Variants in SLC37A3 observed in about 807,000 individuals in gnomAD.
SLC37A3 encodes the protein sugar phosphate exchanger 3.
In SLC37A3, 51 loss-of-function variants were observed where a neutral mutation model predicts 67.1. The ratio of observed to expected loss-of-function variants is 0.76; its 90% confidence interval spans 0.61 to 0.96. The LOEUF (loss-of-function observed/expected upper bound fraction) is 0.96, where lower values mean the gene tolerates loss of function less well. Ranked by LOEUF, SLC37A3 falls within the 40% of genes least tolerant of loss-of-function variation. SLC37A3 has a pLI of 0.00. For synonymous variants in SLC37A3, 214 were observed against 231.4 expected (o/e 0.92, Z 0.68); for missense variants, 508 against 603.0 (o/e 0.84, Z 1.65).
intron 12 of SLC37A3, chr7:140,344,143 T>G (rs1045647746): frequency 1.3e-5 from 2 of 155,062 alleles, no homozygotes; most frequent in Non-Finnish European, 2.8e-5. Context: ...AAGTAACTTT[T>G]CTGGCCGGGC....
intron 12 of SLC37A3, 165 bp from the exon 13 acceptor site, chr7:140,343,728 TC>T: frequency 1.5e-6 from 1 of 658,590 alleles, no homozygotes; most frequent in Non-Finnish European, 2.5e-6. Context: ...GTAGTTAACA[TC>T]CACGTTCCTG....
chr7:140,374,352 G>C (rs928754704), intron 3 of SLC37A3, among the ~76,000 whole-genome samples: 2 of 152,074 alleles, frequency 1.3e-5, no homozygotes, highest in Non-Finnish European at 2.9e-5. Flanking sequence ...ACAAAAACTA[G>C]CCGGGCGTGG....
At chr7:140,383,611 T>C (rs1798339910) in intron 1 of SLC37A3, among the ~76,000 whole-genome samples, 1 of 152,090 alleles carries the variant, frequency 6.6e-6, no homozygotes, top group Admixed American at 6.6e-5. Flanking sequence ...ATGAAAAAAT[T>C]TGTGTCAAAG....
At chr7:140,362,848 C>A (rs1464991801) in intron 5 of SLC37A3, among the ~76,000 whole-genome samples, 3 of 69,336 alleles carry the variant, frequency 4.3e-5, no homozygotes, top group Non-Finnish European at 6.2e-5. Flanking sequence ...GCCGCCCCTA[C>A]TGGGAAGCGA....
intron 4 of SLC37A3, among the ~76,000 whole-genome samples, chr7:140,366,952 C>T (rs186708731): frequency 2.0e-4 from 30 of 151,954 alleles, no homozygotes; most frequent in Admixed American, 7.2e-4. Context: ...CTGACCAACA[C>T]GGTGAAACCC....
chr7:140,394,601 G>A (rs535159066), intron 1 of SLC37A3, among the ~76,000 whole-genome samples: 12 of 142,310 alleles, frequency 8.4e-5, no homozygotes, highest in South Asian at 2.3e-4. Flanking sequence ...CAGCCTGGGC[G>A]ACAGAGCGAG....
chr7:140,378,725 G>C (rs1034233729), intron 3 of SLC37A3, among the ~76,000 whole-genome samples: 2 of 141,864 alleles, frequency 1.4e-5, no homozygotes, highest in Non-Finnish European at 3.0e-5. Context: ...GATAGAGCAA[G>C]ACTCCATCTC....
intron 2 of SLC37A3, among the ~76,000 whole-genome samples, chr7:140,381,993 G>A (rs1179452385): frequency 1.5e-5 from 2 of 131,408 alleles, no homozygotes; most frequent in Admixed American, 8.9e-5. Context: ...CAGCCTGGGC[G>A]ACAAAGTGAT....
intron 11 of SLC37A3, 47 bp downstream of exon 11, chr7:140,345,822 C>T (rs1255780621): frequency 6.8e-7 from 1 of 1,461,312 alleles, no homozygotes; most frequent in South Asian, 1.1e-5. Context: ...CTTATTCCAA[C>T]CAGATTAGGG....
intron 4 of SLC37A3, among the ~76,000 whole-genome samples, chr7:140,364,761 A>C (rs1338577318): frequency 6.6e-6 from 1 of 152,034 alleles, no homozygotes; most frequent in East Asian, 1.9e-4. Flanking sequence ...CAGCGGGCAC[A>C]CTCTACCACA....
chr7:140,360,899 A>G (rs766811771), intron 5 of SLC37A3, among the ~76,000 whole-genome samples: 1 of 152,078 alleles, frequency 6.6e-6, no homozygotes, highest in Non-Finnish European at 1.5e-5. Context: ...AAACCACAGA[A>G]GACAGACAGA....
intron 13 of SLC37A3, chr7:140,337,762 T>G (rs1379234781): frequency 6.4e-6 from 1 of 156,312 alleles, no homozygotes; most frequent in Non-Finnish European, 1.4e-5. Context: ...AGTACTACCT[T>G]TGCATCCTAC....
intron 14 of SLC37A3, among the ~76,000 whole-genome samples, chr7:140,336,794 C>G (rs1186741225): frequency 6.6e-6 from 1 of 152,174 alleles, no homozygotes; most frequent in South Asian, 2.1e-4. Flanking sequence ...GAGCCTTTTT[C>G]TTCCTCACAA....
At chr7:140,364,893 T>C (rs1797538962) in intron 4 of SLC37A3, among the ~76,000 whole-genome samples, 1 of 152,190 alleles carries the variant, frequency 6.6e-6, no homozygotes, top group Non-Finnish European at 1.5e-5. Flanking sequence ...CTAGACTAGA[T>C]TAATTCCTAC....
At position 140,334,691 on chromosome 7, in the gene SLC37A3, G is replaced by T. The variant is rs538143489; in HGVS notation, c.*721C>A. ...ATAACTGATGTACCTTATGGTCCTT[G>T]AAAGGAAGACTCAATACTTCCAGGA... On this transcript the variant is annotated 3_prime_UTR_variant, in exon 15 of 15. Coordinates refer to ENST00000326232, the MANE Select transcript of SLC37A3 (RefSeq NM_207113.3). The T allele has an allele frequency of 6.3e-6, 1 of 157,914 alleles. No individual in the cohort carries two copies. Among genetic ancestry groups the T allele is most frequent in the South Asian group, 1.9e-4 (1 of 5,282 alleles). 9.8% of individuals were successfully genotyped at this position (157,914 alleles called of 1,614,324 possible). A position where few individuals can be genotyped will look rare whatever the true frequency, so the allele number is the denominator to read the frequency against.
intron 1 of SLC37A3, among the ~76,000 whole-genome samples, chr7:140,393,188 G>A (rs764444963): frequency 1.3e-5 from 2 of 152,004 alleles, no homozygotes; most frequent in Non-Finnish European, 2.9e-5. Flanking sequence ...TTCCTTCAGG[G>A]GCACAATCTG....
rs1797132868 is a variant in SLC37A3, at chr7:140,358,644, CT to C, written c.516del (p.Ala173ProfsTer24). The C allele has an allele frequency of 6.2e-7, 1 of 1,614,016 alleles. No individual in the cohort carries two copies. Among genetic ancestry groups the C allele is most frequent in the African/African-American group, 1.3e-5 (1 of 74,928 alleles). ...VVAVMGNWFG[K>X]AGRGVVFGLW... ...GAGAGGAAGGAAGTGGCATACCCGG[CT>C]TTCCCAAACCAGTTGCCCATAACAG... is the stretch of plus-strand genomic sequence containing the variant. On this transcript the variant is annotated frameshift_variant, in exon 6 of 15. Coordinates refer to ENST00000326232, the MANE Select transcript of SLC37A3 (RefSeq NM_207113.3). LOFTEE classifies it high-confidence loss of function.
chr7:140,355,683 A>C lies in SLC37A3; in HGVS notation c.603T>G (p.Leu201=). ...ILGACLASSV[L]QYGYEYAFLV... is the part of the protein sequence containing the mutation. Reference sequence around the variant, plus strand: ...CAATACCTACCTCATAACCATACTGAAGAACAGAAGAAGCTAGGCACGCTC... The same window carrying C: ...CAATACCTACCTCATAACCATACTGCAGAACAGAAGAAGCTAGGCACGCTC... Residue 201 remains leucine (L), a synonymous_variant, in exon 7 of 15, where the codon CTT becomes CTG. Coordinates refer to ENST00000326232, the MANE Select transcript of SLC37A3 (RefSeq NM_207113.3). The C allele has an allele frequency of 6.2e-7, 1 of 1,613,982 alleles. No individual in the cohort carries two copies. Among genetic ancestry groups the C allele is most frequent in the Non-Finnish European group, 8.5e-7 (1 of 1,179,910 alleles).
intron 5 of SLC37A3, among the ~76,000 whole-genome samples, chr7:140,362,554 G>GT: frequency 8.1e-6 from 1 of 123,746 alleles, no homozygotes; most frequent in African/African-American, 3.1e-5. Flanking sequence ...GAGGTGGGGG[G>GT]TCAGCCCCCC....
Sources: allele counts gnomAD v4.1 joint callset (sites outside exome capture counted in the v4.1 genomes callset), GRCh38; gene constraint gnomAD v4.1.1; transcripts MANE v1.5; gene names NCBI Gene and HGNC (gene_info 2026-07-23, HGNC 2026-07-21).